PRDM15: variants seen among roughly 807,000 people sequenced by gnomAD.
The protein encoded by PRDM15 is PR/SET domain 15, also known as PR domain zinc finger protein 15.
A neutral mutation model predicts 128.6 loss-of-function variants in PRDM15; 64 were observed. The ratio of observed to expected loss-of-function variants is 0.50; its 90% CI spans 0.41 to 0.61. PRDM15 has a LOEUF of 0.61. Ranked by LOEUF, PRDM15 falls within the 20% of genes least tolerant of loss-of-function variation. The pLI is 0.00. For synonymous variants in PRDM15, 615 were observed against 621.8 expected, an observed-to-expected ratio of 0.99 and a Z score of 0.16; for missense variants, 1,242 against 1,569.1, an observed-to-expected ratio of 0.79 and a Z score of 3.52.
chr21:41,803,739 G>A (rs531983666), intron 22 of PRDM15, among the ~76,000 whole-genome samples: 4 of 152,024 alleles, frequency 2.6e-5, no homozygotes, highest in Admixed American at 6.5e-5. Flanking sequence ...TCACTCAGCC[G>A]GACCCAGTGC....
At chr21:41,824,909 C>T (rs919730143) in intron 13 of PRDM15, among the ~76,000 whole-genome samples, 4 of 152,244 alleles carry the variant, frequency 2.6e-5, no homozygotes, top group African/African-American at 9.6e-5. Context: ...GAAGGCAGGA[C>T]GGCGGGGACG....
At chr21:41,858,858 T>C (rs1277395364) in intron 3 of PRDM15, among the ~76,000 whole-genome samples, 2 of 152,002 alleles carry the variant, frequency 1.3e-5, no homozygotes, top group Non-Finnish European at 2.9e-5. Flanking sequence ...ATGAACGGTG[T>C]TGTGGGGCAG....
intron 18 of PRDM15, 72 bp downstream of exon 18, chr21:41,819,510 T>A: frequency 3.5e-6 from 3 of 855,378 alleles, no homozygotes; most frequent in Non-Finnish European, 3.3e-6. Context: ...TTCTCGCTCA[T>A]GTCCCCTTCC....
chr21:41,838,049 T>A lies in PRDM15; in HGVS notation c.886A>T (p.Ile296Phe). Residue 296 changes from isoleucine to phenylalanine, a missense_variant, in exon 8 of 24, where the codon ATC (isoleucine) becomes TTC (phenylalanine). This residue lies in a region of PRDM15 where 612 missense variants were observed against 717.0 expected (regional missense o/e 0.85). Coordinates refer to ENST00000398548, the MANE Select transcript of PRDM15 (RefSeq NM_001040424.3). ...DKEPTEQVAE[I>F]ITEVPPDEPV... is the part of the protein sequence containing the mutation. ...TCATCCGGAGGGACCTCGGTAATGA[T>A]CTCTGCCACTTGCTCTGTACGAAGG... 5 of 1,614,086 alleles carry A rather than the reference T, an allele frequency of 3.1e-6. No individual in the cohort carries two copies. The highest frequency in any genetic ancestry group is 4.2e-6 in the Non-Finnish European group (5 of 1,180,018).
rs1012905432 is a variant in PRDM15 at position 41,800,728 on chromosome 21, T to C, written c.*512A>G. 19 of 153,180 alleles carry C rather than the reference T, an allele frequency of 1.2e-4. No homozygotes were observed. The highest frequency in any genetic ancestry group is 4.6e-4 in the African/African-American group (19 of 41,468). 9.5% of individuals were successfully genotyped at this position (153,180 alleles called of 1,614,324 possible). A position where few individuals can be genotyped will look rare whatever the true frequency, so the allele number is the denominator to read the frequency against. On this transcript the variant is annotated 3_prime_UTR_variant, in exon 24 of 24. Transcript: ENST00000398548. Reference sequence around the variant, plus strand: ...AGTTCAAAGAGAATACACGTTACTTTAACTTCTATGTGCTCGCTTGCAAAA... The same window carrying C: ...AGTTCAAAGAGAATACACGTTACTTCAACTTCTATGTGCTCGCTTGCAAAA...
rs778075346 is a variant in PRDM15, at chr21:41,821,042, C to G, written c.2060+25G>C. ...CATGTCCCCTCTCTCCTGACACAAC[C>G]CGGGAGCCCCCGACCAGGCCTCACT... On this transcript the variant is annotated intron_variant, in intron 16 of 23. Transcript: ENST00000398548. This position sits in a 1 kb window ranked among gnomAD's most constrained non-coding sequence, Gnocchi z 5.4. 8 of 1,613,940 alleles carry G rather than the reference C, an allele frequency of 5.0e-6. No individual in the cohort carries two copies. The highest frequency in any genetic ancestry group is 6.8e-6 in the Non-Finnish European group (8 of 1,179,974).
At chr21:41,835,304 G>C in intron 11 of PRDM15, 133 bp downstream of exon 11, 1 of 733,690 alleles carries the variant, frequency 1.4e-6, no homozygotes, top group East Asian at 2.6e-5. Context: ...AATGGACAGA[G>C]GGAAATGTTA....
rs1250155561 is a variant in PRDM15, at chr21:41,879,206, T to C, written c.-10+64A>G. The C allele has an allele frequency of 2.8e-6, 2 of 720,840 alleles. No homozygotes were observed. Among genetic ancestry groups the C allele is most frequent in the East Asian group, 3.3e-4 (2 of 6,082 alleles). 44.7% of individuals were successfully genotyped at this position (720,840 alleles called of 1,614,324 possible). ...CGCCGGGGCTCGCGGGGGCAGCGGG[T>C]GCGGCCCGGGGCCGGCGGGGCGCAC... On this transcript the variant is annotated intron_variant, in intron 1 of 23. Coordinates refer to ENST00000398548, the MANE Select transcript of PRDM15 (RefSeq NM_001040424.3). This position sits in a 1 kb window ranked among gnomAD's most constrained non-coding sequence, Gnocchi z 5.1.
chr21:41,803,995 C>T (rs899085516), intron 22 of PRDM15, among the ~76,000 whole-genome samples: 5 of 141,468 alleles, frequency 3.5e-5, no homozygotes, highest in African/African-American at 5.3e-5. Context: ...GACACAGTCT[C>T]GCTCTGTTGC....
chr21:41,836,069 G>C (rs762814691), intron 10 of PRDM15, 44 bp downstream of exon 10: 1 of 1,321,404 alleles, frequency 7.6e-7, no homozygotes, highest in Non-Finnish European at 1.1e-6. Flanking sequence ...TGTCTGTGTT[G>C]TCCACACAAC....
rs1354473168 is a variant in PRDM15, at chr21:41,821,530, G to T, written c.1897-300C>A. Among the ~76,000 whole-genome samples, 3 of 152,196 alleles carry T rather than the reference G, an allele frequency of 2.0e-5. No homozygotes were observed. The highest frequency in any genetic ancestry group is 4.4e-5 in the Non-Finnish European group (3 of 68,010). Reference sequence around the variant, plus strand: ...TTCAGGCCTCAGCAGGGAGGAGGAGGGGGAGGAGAGAAGGGGAGGGGAAAA... The same window carrying T: ...TTCAGGCCTCAGCAGGGAGGAGGAGTGGGAGGAGAGAAGGGGAGGGGAAAA... On this transcript the variant is annotated intron_variant, in intron 15 of 23. Transcript: ENST00000398548. The surrounding 1 kb of genome is among the most constrained non-coding windows in gnomAD (Gnocchi z 5.4).
chr21:41,815,641 C>T (rs992319005), intron 19 of PRDM15, 64 bp downstream of exon 19: 33 of 1,588,962 alleles, frequency 2.1e-5, no homozygotes, highest in Middle Eastern at 1.7e-4. Context: ...TCTTCTCCCA[C>T]GGCCCACCTG....
At position 41,868,460 on chromosome 21, in the gene PRDM15, G is replaced by A. The variant is rs77799843; in HGVS notation, c.-9-8088C>T. On this transcript the variant is annotated intron_variant, in intron 1 of 23. Coordinates refer to ENST00000398548, the MANE Select transcript of PRDM15 (RefSeq NM_001040424.3). ...CTTTGCACCTCCCACCAGAGACACA[G>A]GAGAGATCCAGTTTCTCGGCGGCCT... Among the ~76,000 whole-genome samples the A allele has an allele frequency of 1.8e-3, 278 of 152,202 alleles. 1 individual carries two copies. Among genetic ancestry groups the A allele is most frequent in the African/African-American group, 6.4e-3 (267 of 41,534 alleles).
intron 17 of PRDM15, 196 bp downstream of exon 17, chr21:41,819,899 G>A: frequency 1.3e-6 from 1 of 779,100 alleles, no homozygotes; most frequent in East Asian, 2.7e-5. Flanking sequence ...AGGACCTGGA[G>A]GGGTGAGGGG....
At chr21:41,876,544 CA>C (rs1250322017) in intron 1 of PRDM15, among the ~76,000 whole-genome samples, 1 of 152,244 alleles carries the variant, frequency 6.6e-6, no homozygotes, top group Admixed American at 6.5e-5. Flanking sequence ...AGCCACTCCC[CA>C]ACACCCTTAC....
intron 6 of PRDM15, among the ~76,000 whole-genome samples, chr21:41,842,933 C>T (rs9981118): frequency 0.2 from 30,860 of 151,716 alleles, 3,396 homozygotes; most frequent in Non-Finnish European, 0.25. Context: ...TACAGGCATG[C>T]ACCACCACAC....
At chr21:41,857,113 T>A in intron 4 of PRDM15, 63 bp downstream of exon 4, 1 of 1,500,626 alleles carries the variant, frequency 6.7e-7, no homozygotes, top group Non-Finnish European at 9.1e-7. Context: ...TGCTCCCCAT[T>A]CCCACATGGG....
intron 5 of PRDM15, among the ~76,000 whole-genome samples, chr21:41,852,429 C>T (rs1224751555): frequency 6.6e-6 from 1 of 152,220 alleles, no homozygotes; most frequent in East Asian, 1.9e-4. Flanking sequence ...CCTCGCAGGA[C>T]TTGGAAACGG....
In PRDM15 at chr21:41,828,386, C is replaced by A; in HGVS notation, c.1367-53G>T. ...CGATTTTGAGGTAAATAACATCTCA[C>A]GCAGGCACGCACGTGTGGCCTGAAC... On this transcript the variant is annotated intron_variant, in intron 11 of 23. Transcript: ENST00000398548. The surrounding 1 kb of genome is among the most constrained non-coding windows in gnomAD (Gnocchi z 5.7). 8.8e-6 allele frequency: 14 copies of A among 1,592,534 alleles called. No individual in the cohort carries two copies. Among genetic ancestry groups the A allele is most frequent in the Non-Finnish European group, 1.2e-5 (14 of 1,163,452 alleles).
Sources: gnomAD v4.1 joint callset for allele counts (sites outside exome capture counted in the v4.1 genomes callset) on GRCh38, gnomAD v4.1.1 for gene constraint, gnomAD v4.1.1 regional missense constraint, Gnocchi (gnomAD v3.1) non-coding constraint, MANE v1.5 for transcripts, NCBI Gene and HGNC (gene_info 2026-07-23, HGNC 2026-07-21) for gene names.